NRXN3: variants seen among roughly 807,000 people sequenced by gnomAD.
NRXN3 encodes the protein neurexin 3, also known as neurexin III.
A neutral mutation model predicts 137.6 loss-of-function variants in NRXN3; 32 were observed. That is an observed-to-expected ratio of 0.23 (90% CI 0.18 to 0.31). NRXN3 has a LOEUF of 0.31. Among genes scored for constraint, NRXN3 ranks in the 10% least tolerant of loss-of-function variants. NRXN3 has a pLI of 1.00. For synonymous variants in NRXN3, 798 were observed against 784.5 expected (o/e 1.02, Z -0.29); for missense variants, 1,574 against 2,062.5 (o/e 0.76, Z 4.59).
intron 15 of NRXN3, among the ~76,000 whole-genome samples, chr14:79,438,319 T>C (rs2095876131): frequency 6.6e-6 from 1 of 152,202 alleles, no homozygotes; most frequent in Non-Finnish European, 1.5e-5. Context: ...GTTGAGTTTG[T>C]TAATAAAAGT....
chr14:78,257,490 C>T (rs546051601), intron 2 of NRXN3, among the ~76,000 whole-genome samples: 10 of 152,284 alleles, frequency 6.6e-5, no homozygotes, highest in African/African-American at 1.4e-4. Context: ...GGTGTGGGCG[C>T]GTGCCTGTGC....
intron 10 of NRXN3, among the ~76,000 whole-genome samples, chr14:78,849,364 T>A (rs2152478572): frequency 6.6e-6 from 1 of 152,140 alleles, no homozygotes; most frequent in Non-Finnish European, 1.5e-5. Flanking sequence ...AACTGGTGAG[T>A]TTCCAGCTGC....
At chr14:78,592,828 C>T (rs989856813) in intron 4 of NRXN3, among the ~76,000 whole-genome samples, 7 of 152,164 alleles carry the variant, frequency 4.6e-5, no homozygotes, top group African/African-American at 1.7e-4. Context: ...AATATCTGAA[C>T]GCAGAATCCC....
intron 15 of NRXN3, among the ~76,000 whole-genome samples, chr14:79,150,743 TTAAG>T (rs2059727702): frequency 6.6e-6 from 1 of 151,856 alleles, no homozygotes; most frequent in African/African-American, 2.4e-5. Flanking sequence ...TACAGCTTCA[TTAAG>T]TAACACCAGA....
chr14:78,607,027 A>G (rs2097258893), intron 4 of NRXN3, among the ~76,000 whole-genome samples: 1 of 152,140 alleles, frequency 6.6e-6, no homozygotes, highest in Admixed American at 6.5e-5. Context: ...TCTGGCTGGC[A>G]TGCTCATAAT....
At chr14:78,180,765 G>T (rs1261013463) in intron 1 of NRXN3, among the ~76,000 whole-genome samples, 1 of 152,140 alleles carries the variant, frequency 6.6e-6, no homozygotes, top group Non-Finnish European at 1.5e-5. Flanking sequence ...CTTGCAGTGT[G>T]GACTCTATCA....
chr14:79,127,994 T>C (rs1255891500), intron 15 of NRXN3, among the ~76,000 whole-genome samples: 2 of 150,430 alleles, frequency 1.3e-5, no homozygotes, highest in East Asian at 1.9e-4. Flanking sequence ...TGTTGGTGTA[T>C]AAGAATGCTT....
intron 19 of NRXN3, among the ~76,000 whole-genome samples, chr14:79,736,188 C>G (rs2098941217): frequency 6.6e-6 from 1 of 152,162 alleles, no homozygotes. Context: ...TCAGCACTGT[C>G]TTCTATTTTC....
intron 20 of NRXN3, among the ~76,000 whole-genome samples, chr14:79,854,917 G>A (rs1472886109): frequency 6.6e-6 from 1 of 152,108 alleles, no homozygotes; most frequent in East Asian, 1.9e-4. Flanking sequence ...AAGAATCCCA[G>A]GTGTTTCGAG....
At chr14:78,373,099 G>C (rs759287788) in intron 4 of NRXN3, among the ~76,000 whole-genome samples, 16 of 152,220 alleles carry the variant, frequency 1.1e-4, no homozygotes, top group Non-Finnish European at 1.9e-4. Context: ...AGATAACCTT[G>C]TCCTGTTCAA....
At chr14:78,410,364 T>C (rs1482425735) in intron 4 of NRXN3, among the ~76,000 whole-genome samples, 1 of 152,246 alleles carries the variant, frequency 6.6e-6, no homozygotes, top group Non-Finnish European at 1.5e-5. Flanking sequence ...ATAATACCTA[T>C]GTTTCCTTAT....
At chr14:78,193,838 C>T (rs2060974654) in intron 1 of NRXN3, among the ~76,000 whole-genome samples, 1 of 151,994 alleles carries the variant, frequency 6.6e-6, no homozygotes, top group South Asian at 2.1e-4. Flanking sequence ...CTGGCAGCCC[C>T]TGCCCTTGGA....
chr14:79,077,133 A>G (rs2046109066), intron 15 of NRXN3, among the ~76,000 whole-genome samples: 1 of 152,240 alleles, frequency 6.6e-6, no homozygotes. Context: ...ACCTAGAATT[A>G]CCTTGGTGGA....
chr14:78,214,711 C>T (rs769484354), intron 1 of NRXN3, among the ~76,000 whole-genome samples: 7 of 152,154 alleles, frequency 4.6e-5, no homozygotes, highest in Non-Finnish European at 1.0e-4. Context: ...TTTCAAAGTC[C>T]TTGTTTGCCC....
chr14:79,222,281 T>C (rs1035569793), intron 15 of NRXN3, among the ~76,000 whole-genome samples: 1 of 152,216 alleles, frequency 6.6e-6, no homozygotes, highest in African/African-American at 2.4e-5. Flanking sequence ...TTTTTTCTAA[T>C]TCTGTGAAGA....
chr14:78,661,742 T>C (rs2097843429), intron 6 of NRXN3, among the ~76,000 whole-genome samples: 1 of 152,264 alleles, frequency 6.6e-6, no homozygotes, highest in Admixed American at 6.5e-5. Context: ...TGTATGATGC[T>C]GGATAACATA....
At chr14:79,237,706 C>G (rs1024897503) in intron 15 of NRXN3, among the ~76,000 whole-genome samples, 1 of 152,034 alleles carries the variant, frequency 6.6e-6, no homozygotes, top group Admixed American at 6.6e-5. Flanking sequence ...ACTCATCCAC[C>G]CTACCCTGGA....
At chr14:78,209,579 A>G (rs1343348763) in intron 1 of NRXN3, among the ~76,000 whole-genome samples, 3 of 152,186 alleles carry the variant, frequency 2.0e-5, no homozygotes, top group African/African-American at 4.8e-5. Flanking sequence ...ATCAGGTAAG[A>G]GAGAGCTAGC....
intron 4 of NRXN3, among the ~76,000 whole-genome samples, chr14:78,606,883 A>T (rs943680878): frequency 6.6e-6 from 1 of 152,236 alleles, no homozygotes; most frequent in African/African-American, 2.4e-5. Flanking sequence ...TAAGTAACGT[A>T]TAAACCTAAG....
Sources: gnomAD v4.1 joint callset for allele counts (sites outside exome capture counted in the v4.1 genomes callset) on GRCh38, gnomAD v4.1.1 for gene constraint, MANE v1.5 for transcripts, NCBI Gene and HGNC (gene_info 2026-07-23, HGNC 2026-07-21) for gene names.